The following GALNT5 variants were observed in gnomAD, a reference collection of about 807,000 sequenced individuals.
The protein encoded by GALNT5 is polypeptide N-acetylgalactosaminyltransferase 5.
GALNT5 carries 72 observed loss-of-function variants against 85.4 expected under a neutral mutation model. The observed-to-expected ratio is 0.84, with a 90% CI of 0.70 to 1.03. GALNT5 has a LOEUF of 1.03. Ranked by LOEUF, GALNT5 falls within the 50% of genes least tolerant of loss-of-function variation. GALNT5 has a pLI of 0.00. For missense variants in GALNT5, 1,137 were observed against 1,135.5 expected, an observed-to-expected ratio of 1.00 and a Z score of -0.02; for synonymous variants, 404 against 397.0, an observed-to-expected ratio of 1.02 and a Z score of -0.21.
intron 1 of GALNT5, among the ~76,000 whole-genome samples, chr2:157,275,641 T>G (rs1394657299): frequency 6.6e-6 from 1 of 152,216 alleles, no homozygotes; most frequent in East Asian, 1.9e-4. Context: ...GCTATTCGTG[T>G]ATAGGAATGC....
intron 3 of GALNT5, among the ~76,000 whole-genome samples, chr2:157,290,013 C>T (rs1683060042): frequency 6.7e-6 from 1 of 150,098 alleles, no homozygotes; most frequent in South Asian, 2.1e-4. Flanking sequence ...GCGGAGGTTG[C>T]AGTGAGCCAA....
intron 5 of GALNT5, among the ~76,000 whole-genome samples, chr2:157,298,395 C>T (rs1325772875): frequency 6.6e-6 from 1 of 152,218 alleles, no homozygotes; most frequent in Non-Finnish European, 1.5e-5. Context: ...TCCCCTTCCA[C>T]CACATCTCAG....
At chr2:157,266,691 T>G (rs1010136794) in intron 1 of GALNT5, among the ~76,000 whole-genome samples, 3 of 152,200 alleles carry the variant, frequency 2.0e-5, no homozygotes, top group African/African-American at 7.2e-5. Flanking sequence ...AATAAATGAT[T>G]TATCCATTGT....
chr2:157,289,363 T>C (rs1683044377), intron 3 of GALNT5, among the ~76,000 whole-genome samples: 1 of 152,258 alleles, frequency 6.6e-6, no homozygotes, highest in African/African-American at 2.4e-5. Context: ...GCTCAGTAAC[T>C]GTCAAACCAT....
chr2:157,292,237 T>A (rs561135390), intron 3 of GALNT5, among the ~76,000 whole-genome samples: 46 of 152,180 alleles, frequency 3.0e-4, no homozygotes, highest in Non-Finnish European at 5.7e-4. Context: ...TCACTGTGCC[T>A]CTCCCCTCTC....
intron 1 of GALNT5, among the ~76,000 whole-genome samples, chr2:157,261,478 T>C (rs543306545): frequency 1.3e-5 from 2 of 152,198 alleles, no homozygotes; most frequent in Non-Finnish European, 2.9e-5. Context: ...AATTGACACA[T>C]GTGCTTGAGA....
At chr2:157,303,274 A>G (rs1230432414) in intron 7 of GALNT5, among the ~76,000 whole-genome samples, 1 of 152,204 alleles carries the variant, frequency 6.6e-6, no homozygotes, top group African/African-American at 2.4e-5. Flanking sequence ...AAATCCAGTG[A>G]AAGTTTTGGT....
At position 157,258,010 on chromosome 2, in the gene GALNT5, GCTA is replaced by G; in HGVS notation, c.-70_-68del. On this transcript the variant is annotated 5_prime_UTR_variant, in exon 1 of 10. Transcript: ENST00000259056. ...CTCTGCTGCTGCTGCTGCTGCTGCT[GCTA>G]CTTCAGCTTCCTCTCCACTCAAGGT... is the stretch of plus-strand genomic sequence containing the variant. 6.6e-7 allele frequency: 1 copy of G among 1,516,080 alleles called. No individual in the cohort carries two copies. Among genetic ancestry groups the G allele is most frequent in the Non-Finnish European group, 9.1e-7 (1 of 1,103,764 alleles). 93.9% of individuals were successfully genotyped at this position (1,516,080 alleles called of 1,614,324 possible).
chr2:157,281,933 G>A (rs1380384689), intron 1 of GALNT5, among the ~76,000 whole-genome samples: 2 of 152,166 alleles, frequency 1.3e-5, no homozygotes, highest in Non-Finnish European at 2.9e-5. Flanking sequence ...GTACAAATGT[G>A]AGAGAAAATA....
intron 4 of GALNT5, 89 bp downstream of exon 4, chr2:157,295,887 T>A: frequency 2.1e-6 from 2 of 946,204 alleles, no homozygotes. Context: ...AATATGTGTG[T>A]TTTTTCAAAA....
At chr2:157,293,337 G>A (rs1683138601) in intron 3 of GALNT5, among the ~76,000 whole-genome samples, 2 of 152,164 alleles carry the variant, frequency 1.3e-5, no homozygotes, top group South Asian at 4.1e-4. Context: ...ACCTTACATG[G>A]TGGAAGGGCA....
chr2:157,267,052 C>A (rs566499691), intron 1 of GALNT5, among the ~76,000 whole-genome samples: 26 of 152,298 alleles, frequency 1.7e-4, no homozygotes, highest in African/African-American at 6.3e-4. Flanking sequence ...TCATTGACTT[C>A]AAGGCGTATA....
rs903636074 is a variant in GALNT5 at position 157,313,528 on chromosome 2, G to A, written c.*2180G>A. 1.3e-5 allele frequency: 2 copies of A among 152,166 alleles called. No homozygotes were observed. Among genetic ancestry groups the A allele is most frequent in the African/African-American group, 4.8e-5 (2 of 41,450 alleles). The allele number at this position is 152,166 out of a possible 1,614,324, so 9.4% of individuals were successfully genotyped here. A position where few individuals can be genotyped will look rare whatever the true frequency, so the allele number is the denominator to read the frequency against. Reference sequence around the variant, plus strand: ...AGTCAGTTGTCAAAAGACTAATTGAGTTACTGACAAACTGAACATGCTAGG... The same window carrying A: ...AGTCAGTTGTCAAAAGACTAATTGAATTACTGACAAACTGAACATGCTAGG... On this transcript the variant is annotated 3_prime_UTR_variant, in exon 10 of 10. Coordinates refer to ENST00000259056, the MANE Select transcript of GALNT5 (RefSeq NM_014568.3).
rs1311767424 is a variant in GALNT5, at chr2:157,295,529, A to G, written c.1742-134A>G. 2.9e-5 allele frequency: 17 copies of G among 581,058 alleles called. No homozygotes were observed. In the Admixed American group the frequency reaches 5.4e-4, roughly 18 times the overall value. 36.0% of individuals were successfully genotyped at this position (581,058 alleles called of 1,614,324 possible). On this transcript the variant is annotated intron_variant, in intron 3 of 9. Transcript: ENST00000259056. Reference sequence around the variant, plus strand: ...TGAAATGAAATTATAGTGACCACGAATTCAGAAAAAAAAAAAAAGGTCACT... The same window carrying G: ...TGAAATGAAATTATAGTGACCACGAGTTCAGAAAAAAAAAAAAAGGTCACT...
intron 3 of GALNT5, among the ~76,000 whole-genome samples, chr2:157,293,778 A>G (rs1357472668): frequency 6.6e-6 from 1 of 152,250 alleles, no homozygotes; most frequent in Non-Finnish European, 1.5e-5. Flanking sequence ...TGCAGATTTC[A>G]GTGATAATGA....
chr2:157,276,427 G>A (rs952453821), intron 1 of GALNT5, among the ~76,000 whole-genome samples: 1 of 152,200 alleles, frequency 6.6e-6, no homozygotes, highest in Admixed American at 6.5e-5. Context: ...ACCTCTGGTA[G>A]AATTCGGCTG....
In GALNT5 at chr2:157,316,301, A is replaced by G. The variant is rs772683320; in HGVS notation, c.*4953A>G. 3.9e-5 allele frequency among the ~76,000 whole-genome samples: 6 copies of G among 152,050 alleles called. No homozygotes were observed. The highest frequency in any genetic ancestry group is 8.8e-5 in the Non-Finnish European group (6 of 67,988). Reference sequence around the variant, plus strand: ...TTTTCAGGCTGCTTTTTGTTAGAAAATAAGTGGCTTGGGGGCTGCTTTTTA... The same window carrying G: ...TTTTCAGGCTGCTTTTTGTTAGAAAGTAAGTGGCTTGGGGGCTGCTTTTTA... On this transcript the variant is annotated 3_prime_UTR_variant, in exon 10 of 10. Coordinates refer to ENST00000259056, the MANE Select transcript of GALNT5 (RefSeq NM_014568.3).
intron 6 of GALNT5, 138 bp downstream of exon 6, chr2:157,299,803 A>G (rs993438994): frequency 3.0e-5 from 15 of 505,702 alleles, no homozygotes; most frequent in African/African-American, 2.3e-4. Flanking sequence ...CTCTGGATTA[A>G]TTTTTTCATA....
intron 7 of GALNT5, among the ~76,000 whole-genome samples, chr2:157,305,025 C>A (rs1235316337): frequency 6.6e-6 from 1 of 152,132 alleles, no homozygotes; most frequent in East Asian, 1.9e-4. Context: ...AATCTGAAAA[C>A]CCTAAGTTGC....
Sources: gnomAD v4.1 joint callset for allele counts (sites outside exome capture counted in the v4.1 genomes callset) on GRCh38, gnomAD v4.1.1 for gene constraint, MANE v1.5 for transcripts, NCBI Gene and HGNC (gene_info 2026-07-23, HGNC 2026-07-21) for gene names.